The following KIF14 variants were observed in gnomAD, a reference collection of about 807,000 sequenced individuals.
The protein encoded by KIF14 is kinesin family member 14.
KIF14 carries 98 observed loss-of-function variants against 176.2 expected under a neutral mutation model. The ratio of observed to expected loss-of-function variants is 0.56; its 90% CI spans 0.47 to 0.66. The LOEUF (loss-of-function observed/expected upper bound fraction) is 0.66. Among genes scored for constraint, KIF14 ranks in the 30% least tolerant of loss-of-function variants. KIF14 has a pLI of 0.00. For synonymous variants in KIF14, 566 were observed against 632.2 expected (o/e 0.90, Z 1.57); for missense variants, 1,751 against 1,920.4 (o/e 0.91, Z 1.65).
intron 9 of KIF14, 93 bp from the exon 10 acceptor site, chr1:200,603,434 G>C: frequency 1.5e-6 from 1 of 662,162 alleles, no homozygotes; most frequent in South Asian, 1.8e-5. Context: ...TATAATTACT[G>C]AGTAAATACT....
In KIF14 at chr1:200,618,616, A is replaced by C; in HGVS notation, c.108T>G (p.Leu36=). 6.2e-7 allele frequency: 1 copy of C among 1,614,160 alleles called. No homozygotes were observed. The highest frequency in any genetic ancestry group is 8.5e-7 in the Non-Finnish European group (1 of 1,180,036). ...SLNALTHSSR[L]KLHLKSDMSE... The stretch of plus-strand genomic sequence containing the variant: ...ACATATCCGACTTCAAATGCAGCTT[A>C]AGTCGGCTACTGTGGGTGAGGGCAT... The change falls in exon 2 of 30, where the codon CTT becomes CTG. Residue 36 remains leucine (L), a synonymous_variant. Transcript: ENST00000367350.
rs560479646 is a variant in KIF14 at position 200,616,324 on chromosome 1, G to T, written c.1113-715C>A. Reference sequence around the variant, plus strand: ...TTGACAAGTACTCTACCCTGGCCCTGCTTTCAAGGCTTGTCTGATGAGTTT... The same window carrying T: ...TTGACAAGTACTCTACCCTGGCCCTTCTTTCAAGGCTTGTCTGATGAGTTT... On this transcript the variant is annotated intron_variant, in intron 2 of 29. Transcript: ENST00000367350. 7.7e-4 allele frequency among the ~76,000 whole-genome samples: 118 copies of T among 152,260 alleles called. 1 individual carries two copies. In the South Asian group the frequency reaches 9.9e-3, roughly 13 times the overall value.
intron 19 of KIF14, among the ~76,000 whole-genome samples, chr1:200,584,878 G>C (rs1181949434): frequency 6.6e-6 from 1 of 152,000 alleles, no homozygotes; most frequent in African/African-American, 2.4e-5. Context: ...AGAGATAAAA[G>C]GTATCCAAAC....
At chr1:200,615,870 CT>C (rs550553479) in intron 2 of KIF14, among the ~76,000 whole-genome samples, 15 of 149,414 alleles carry the variant, frequency 1.0e-4, no homozygotes, top group Admixed American at 2.0e-4. Flanking sequence ...ATTTTTTCCT[CT>C]TTTTTTTTTC....
At chr1:200,614,790 C>CAAAAAA (rs67447333) in intron 3 of KIF14, among the ~76,000 whole-genome samples, 15 of 74,876 alleles carry the variant, frequency 2.0e-4, no homozygotes, top group African/African-American at 3.4e-4. Context: ...AACCTTGCTA[C>CAAAAAA]AAAAAAAAAA....
intron 15 of KIF14, 22 bp downstream of exon 15, chr1:200,593,645 A>G (rs369245795): frequency 7.2e-7 from 1 of 1,391,162 alleles, no homozygotes; most frequent in African/African-American, 1.4e-5. Flanking sequence ...AGTTTCTTAT[A>G]TTATAGCACC....
intron 22 of KIF14, among the ~76,000 whole-genome samples, chr1:200,573,427 CTTTTTTTTTTTTTT>C (rs869174532): frequency 1.3e-5 from 1 of 77,762 alleles, no homozygotes; most frequent in Non-Finnish European, 2.4e-5. Context: ...GAGCTCATTT[CTTTTTTTTTTTTTT>C]TTTTTTTTTT....
At chr1:200,553,871 A>G in intron 29 of KIF14, 104 bp from the exon 30 acceptor site, 1 of 1,147,456 alleles carries the variant, frequency 8.7e-7, no homozygotes, top group Non-Finnish European at 1.2e-6. Flanking sequence ...AAGTGACCCT[A>G]TCAAAACAAT....
At chr1:200,564,279 A>G (rs1273099969) in intron 25 of KIF14, among the ~76,000 whole-genome samples, 1 of 150,228 alleles carries the variant, frequency 6.7e-6, no homozygotes, top group Admixed American at 6.7e-5. Context: ...AAAAAAAAAA[A>G]GGCAAACTTT....
intron 2 of KIF14, among the ~76,000 whole-genome samples, chr1:200,615,956 A>T (rs745861313): frequency 2.6e-5 from 4 of 151,994 alleles, no homozygotes; most frequent in Non-Finnish European, 5.9e-5. Context: ...CATCTTTATT[A>T]TACAAATTTG....
At chr1:200,608,055 T>G (rs796070333) in intron 5 of KIF14, among the ~76,000 whole-genome samples, 1 of 152,274 alleles carries the variant, frequency 6.6e-6, no homozygotes, top group African/African-American at 2.4e-5. Flanking sequence ...ATTAAAAATT[T>G]TAAATTTGAA....
Position 200,615,417 on chromosome 1 carries a change from G to A in KIF14, c.1305C>T (p.Ala435=), listed in dbSNP as rs1311549238. The A allele has an allele frequency of 2.5e-6, 4 of 1,614,118 alleles. No individual in the cohort carries two copies. Among genetic ancestry groups the A allele is most frequent in the East Asian group, 4.5e-5 (2 of 44,874 alleles). Residue 435 remains alanine, a synonymous_variant, in exon 3 of 30, where the codon GCC becomes GCT. Coordinates refer to ENST00000367350, the MANE Select transcript of KIF14 (RefSeq NM_014875.3). ...AAAGACAGGTATTGAAGCCTTCGAA[G>A]GCTCTTTCTAGGAGTGGTGCTGCTA... ...EKLAAPLLER[A]FEGFNTCLFA... is the part of the protein sequence containing the mutation.
chr1:200,555,671 G>T (rs1194877253), intron 27 of KIF14, among the ~76,000 whole-genome samples: 1 of 151,888 alleles, frequency 6.6e-6, no homozygotes, highest in Non-Finnish European at 1.5e-5. Context: ...TTCCAAATAA[G>T]TTTATTTCAC....
At chr1:200,596,616 G>A (rs892738390) in intron 14 of KIF14, among the ~76,000 whole-genome samples, 2 of 140,400 alleles carry the variant, frequency 1.4e-5, no homozygotes, top group African/African-American at 5.3e-5. Context: ...CTAGGGTGGA[G>A]TATAGCAGAG....
chr1:200,606,757 T>C lies in KIF14; in HGVS notation c.1596A>G (p.Glu532=). 1 of 1,613,580 alleles carries C rather than the reference T, an allele frequency of 6.2e-7. No homozygotes were observed. Among genetic ancestry groups the C allele is most frequent in the Non-Finnish European group, 8.5e-7 (1 of 1,179,762 alleles). ...AGCCAAATACTTACATTGACAGTGC[T>C]TCAACATATGGTCCATAAACAGGAT... is the stretch of plus-strand genomic sequence containing the variant. ...REHPVYGPYV[E]ALSMNIVSSY... The change falls in exon 6 of 30, where the codon GAA becomes GAG. Residue 532 remains glutamate, a synonymous_variant. Transcript: ENST00000367350.
At chr1:200,610,887 G>A (rs936412623) in intron 4 of KIF14, among the ~76,000 whole-genome samples, 1 of 152,106 alleles carries the variant, frequency 6.6e-6, no homozygotes, top group Non-Finnish European at 1.5e-5. Context: ...CAGAAAGAGG[G>A]GGTAGGGCAT....
intron 14 of KIF14, among the ~76,000 whole-genome samples, chr1:200,596,172 C>A (rs912821620): frequency 6.6e-6 from 1 of 151,848 alleles, no homozygotes; most frequent in Non-Finnish European, 1.5e-5. Context: ...GAGAATTGCT[C>A]GACTCCAGGA....
intron 15 of KIF14, 30 bp from the exon 16 acceptor site, chr1:200,592,270 AG>A (rs1346602654): frequency 6.3e-7 from 1 of 1,580,750 alleles, no homozygotes; most frequent in Admixed American, 1.9e-5. Flanking sequence ...GTACTACTTG[AG>A]GTGAGTCTCA....
Position 200,618,441 on chromosome 1 carries a change from T to C in KIF14, c.283A>G (p.Thr95Ala). The C allele has an allele frequency of 6.2e-7, 1 of 1,614,218 alleles. No homozygotes were observed. The highest frequency in any genetic ancestry group is 1.3e-5 in the African/African-American group (1 of 75,068). Reference sequence around the variant, plus strand: ...AGCAAAGATGATTCTTTGTTCCTTGTAGTTCTCCTCTGAAGTGCCAATCTA... The same window carrying C: ...AGCAAAGATGATTCTTTGTTCCTTGCAGTTCTCCTCTGAAGTGCCAATCTA... ...VGRLALQRRT[T>A]RNKESSLLVS... Residue 95 changes from threonine (T) to alanine (A), a missense_variant, in exon 2 of 30, where the codon ACA becomes GCA. Thr to Ala is a moderately conservative substitution (Grantham distance 58, BLOSUM62 0). Coordinates refer to ENST00000367350, the MANE Select transcript of KIF14 (RefSeq NM_014875.3).
Sources: allele counts gnomAD v4.1 joint callset (sites outside exome capture counted in the v4.1 genomes callset), GRCh38; gene constraint gnomAD v4.1.1; transcripts MANE v1.5; gene names NCBI Gene and HGNC (gene_info 2026-07-23, HGNC 2026-07-21).